Variants in LRFN5 observed in about 807,000 individuals in gnomAD.
The protein encoded by LRFN5 is leucine rich repeat and fibronectin type III domain containing 5, also known as leucine-rich repeat and fibronectin type-III domain-containing protein 5.
Under a neutral mutation model 45.6 loss-of-function variants are expected in LRFN5, and 24 were observed. That is an observed-to-expected ratio of 0.53 (90% CI 0.38 to 0.74). LRFN5 has a LOEUF of 0.74. Ranked by LOEUF, LRFN5 falls within the 30% of genes least tolerant of loss-of-function variation. The pLI is 0.00. For synonymous variants in LRFN5, 340 were observed against 313.8 expected (o/e 1.08, Z -0.88); for missense variants, 776 against 861.5 (o/e 0.90, Z 1.24).
At chr14:41,840,240 T>C (rs1419276357) in intron 2 of LRFN5, among the ~76,000 whole-genome samples, 2 of 152,210 alleles carry the variant, frequency 1.3e-5, no homozygotes, top group South Asian at 4.1e-4. Flanking sequence ...TTTATGAGTT[T>C]TTTTCTCACC....
chr14:41,896,106 C>T (rs1449711413), intron 4 of LRFN5, among the ~76,000 whole-genome samples: 1 of 151,866 alleles, frequency 6.6e-6, no homozygotes, highest in Non-Finnish European at 1.5e-5. Context: ...ACACTATTTG[C>T]CTTTTAGCTC....
chr14:41,704,408 T>C (rs56080659), intron 1 of LRFN5, among the ~76,000 whole-genome samples: 42 of 102,342 alleles, frequency 4.1e-4, no homozygotes, highest in East Asian at 1.2e-3. Context: ...TGTTATACTT[T>C]TCTCTCTCTC....
At chr14:41,759,488 C>T (rs774501078) in intron 1 of LRFN5, among the ~76,000 whole-genome samples, 7 of 73,322 alleles carry the variant, frequency 9.5e-5, no homozygotes, top group Non-Finnish European at 1.5e-4. Context: ...CACACACACA[C>T]ACACACACAC....
At chr14:41,877,463 T>C (rs141443958) in intron 2 of LRFN5, among the ~76,000 whole-genome samples, 44 of 152,274 alleles carry the variant, frequency 2.9e-4, no homozygotes, top group African/African-American at 1.0e-3. Flanking sequence ...TCCTCATCTA[T>C]AAAATAAAGA....
intron 2 of LRFN5, among the ~76,000 whole-genome samples, chr14:41,817,725 T>C (rs1372905286): frequency 2.6e-5 from 4 of 152,160 alleles, no homozygotes; most frequent in Non-Finnish European, 4.4e-5. Context: ...CACCAAGAGT[T>C]TTCTCTAGTG....
chr14:41,673,647 C>G (rs1325608216), intron 1 of LRFN5, among the ~76,000 whole-genome samples: 1 of 140,306 alleles, frequency 7.1e-6, no homozygotes, highest in Admixed American at 7.0e-5. Flanking sequence ...CCCTCCCGGA[C>G]GGGGCAGCTG....
chr14:41,753,673 C>T (rs577241115), intron 1 of LRFN5, among the ~76,000 whole-genome samples: 4 of 152,244 alleles, frequency 2.6e-5, no homozygotes, highest in South Asian at 4.1e-4. Flanking sequence ...TGGGCTGAGA[C>T]GATGGGGTTT....
intron 2 of LRFN5, among the ~76,000 whole-genome samples, chr14:41,808,234 G>GGAAGGAAGGAAA (rs1446806210): frequency 9.0e-6 from 1 of 111,508 alleles, no homozygotes; most frequent in African/African-American, 3.3e-5. Context: ...AAGGAAGGAA[G>GGAAGGAAGGAAA]GAATTGAGGG....
chr14:41,764,781 CAT>C lies in LRFN5; in HGVS notation c.-196-2072_-196-2071del, dbSNP rs550986818. Among the ~76,000 whole-genome samples, 243 of 130,580 alleles carry C rather than the reference CAT, an allele frequency of 1.9e-3. 1 individual carries two copies. The highest frequency in any genetic ancestry group is 5.8e-3 in the African/African-American group (230 of 39,386). The allele number at this position is 130,580 out of a possible 152,430, so 85.7% of individuals were successfully genotyped here. A position where few individuals can be genotyped will look rare whatever the true frequency, so the allele number is the denominator to read the frequency against. The stretch of plus-strand genomic sequence containing the variant: ...AATATATTGTGCCTGTATTTACTAA[CAT>C]GTGTGCAGAATACATATATATGATT... On this transcript the variant is annotated intron_variant, in intron 1 of 5. Coordinates refer to ENST00000298119, the MANE Select transcript of LRFN5 (RefSeq NM_152447.5).
At chr14:41,850,645 T>C (rs997911967) in intron 2 of LRFN5, among the ~76,000 whole-genome samples, 1 of 151,830 alleles carries the variant, frequency 6.6e-6, no homozygotes, top group African/African-American at 2.4e-5. Flanking sequence ...TAATTATAGA[T>C]ATATTTTCTT....
chr14:41,798,980 C>G (rs1887230137), intron 2 of LRFN5, among the ~76,000 whole-genome samples: 1 of 151,890 alleles, frequency 6.6e-6, no homozygotes, highest in East Asian at 1.9e-4. Flanking sequence ...TGTGTGTGCT[C>G]TTTTTATCAT....
At chr14:41,763,049 C>G (rs1215006983) in intron 1 of LRFN5, among the ~76,000 whole-genome samples, 2 of 152,120 alleles carry the variant, frequency 1.3e-5, no homozygotes, top group Non-Finnish European at 2.9e-5. Context: ...AGATAATATT[C>G]TGGTGTCTTC....
At chr14:41,655,138 A>T (rs1044373452) in intron 1 of LRFN5, among the ~76,000 whole-genome samples, 1 of 152,048 alleles carries the variant, frequency 6.6e-6, no homozygotes, top group Non-Finnish European at 1.5e-5. Flanking sequence ...TACGTACAAG[A>T]CAAACTGTCT....
chr14:41,889,439 G>T (rs1287056631), intron 3 of LRFN5, among the ~76,000 whole-genome samples: 1 of 151,974 alleles, frequency 6.6e-6, no homozygotes, highest in Non-Finnish European at 1.5e-5. Flanking sequence ...AAAGTAATTT[G>T]CTCTTGTCAT....
chr14:41,627,249 G>A (rs1251968164), intron 1 of LRFN5, among the ~76,000 whole-genome samples: 4 of 151,968 alleles, frequency 2.6e-5, no homozygotes, highest in Non-Finnish European at 5.9e-5. Context: ...TCTAATTTTA[G>A]GATGTTTTCA....
At chr14:41,850,613 T>G (rs1373118205) in intron 2 of LRFN5, among the ~76,000 whole-genome samples, 1 of 151,828 alleles carries the variant, frequency 6.6e-6, no homozygotes, top group Non-Finnish European at 1.5e-5. Context: ...TTAAAAAGAA[T>G]AACAGTTTAA....
intron 4 of LRFN5, chr14:41,892,436 A>T (rs1351801570): frequency 1.0e-6 from 1 of 984,502 alleles, no homozygotes; most frequent in Non-Finnish European, 1.2e-6. Context: ...TAGGACTAGC[A>T]ACAGCAGATT....
At chr14:41,755,976 C>G (rs183464407) in intron 1 of LRFN5, among the ~76,000 whole-genome samples, 30 of 152,294 alleles carry the variant, frequency 2.0e-4, no homozygotes, top group South Asian at 6.2e-4. Flanking sequence ...GAGAAAATCT[C>G]TCAGCATTTG....
At chr14:41,702,003 C>G (rs1398774316) in intron 1 of LRFN5, among the ~76,000 whole-genome samples, 1 of 152,068 alleles carries the variant, frequency 6.6e-6, no homozygotes, top group African/African-American at 2.4e-5. Flanking sequence ...TTAGTTGGAG[C>G]AGAACCTCCT....
Sources: gnomAD v4.1 joint callset for allele counts (sites outside exome capture counted in the v4.1 genomes callset) on GRCh38, gnomAD v4.1.1 for gene constraint, MANE v1.5 for transcripts, NCBI Gene and HGNC (gene_info 2026-07-23, HGNC 2026-07-21) for gene names.